The following EXOC2 variants were observed in gnomAD, a reference collection of about 807,000 sequenced individuals.
The protein encoded by EXOC2 is exocyst complex component 2, also known as SEC5-like 1.
Under a neutral mutation model 131.8 loss-of-function variants are expected in EXOC2, and 70 were observed. That is an observed-to-expected ratio of 0.53 (90% CI 0.44 to 0.65). The LOEUF (loss-of-function observed/expected upper bound fraction) is 0.65, where lower values mean the gene tolerates loss of function less well. Among genes scored for constraint, EXOC2 ranks in the 30% least tolerant of loss-of-function variants. The pLI is 0.00. For missense variants in EXOC2, 923 were observed against 1,108.6 expected (o/e 0.83, Z 2.38); for synonymous variants, 411 against 398.4 (o/e 1.03, Z -0.38).
chr6:546,597 C>T (rs183168882), intron 22 of EXOC2, among the ~76,000 whole-genome samples: 118 of 152,344 alleles, frequency 7.7e-4, no homozygotes, highest in Admixed American at 2.1e-3. Flanking sequence ...CCAACCCCTC[C>T]TCTTGCTCTT....
chr6:683,633 T>C (rs1229090347), intron 1 of EXOC2, among the ~76,000 whole-genome samples: 1 of 152,266 alleles, frequency 6.6e-6, no homozygotes, highest in Non-Finnish European at 1.5e-5. Context: ...AGGATGTCGC[T>C]AACTCCCAGG....
rs1488005744 is a variant in EXOC2, at chr6:666,544, T to G, written c.-44+26475A>C. On this transcript the variant is annotated intron_variant, in intron 1 of 27. Transcript: ENST00000230449. ...TTTGGCACTTTACAACTTTTTTTTC[T>G]GAGCAGTTTTATTAAGTTTACAGAA... is the stretch of plus-strand genomic sequence containing the variant. Among the ~76,000 whole-genome samples, 7 of 97,362 alleles carry G rather than the reference T, an allele frequency of 7.2e-5. 2 individuals are homozygous for G. The highest frequency in any genetic ancestry group is 2.1e-4 in the African/African-American group (7 of 32,830). The allele number at this position is 97,362 out of a possible 152,430, so 63.9% of individuals were successfully genotyped here. A position where few individuals can be genotyped will look rare whatever the true frequency, so the allele number is the denominator to read the frequency against.
At chr6:612,718 C>A (rs1760775624) in intron 6 of EXOC2, among the ~76,000 whole-genome samples, 2 of 152,134 alleles carry the variant, frequency 1.3e-5, no homozygotes, top group African/African-American at 4.8e-5. Context: ...TCAAGCCACA[C>A]AGAGTTAAGC....
intron 18 of EXOC2, 72 bp downstream of exon 18, chr6:556,412 G>A: frequency 6.7e-7 from 1 of 1,484,404 alleles, no homozygotes; most frequent in South Asian, 1.2e-5. Flanking sequence ...AGTACGATGA[G>A]TCAAAAATTT....
At position 579,374 on chromosome 6, in the gene EXOC2, A is replaced by G. The variant is rs554511047; in HGVS notation, c.1193-2492T>C. Among the ~76,000 whole-genome samples, 7 of 152,320 alleles carry G rather than the reference A, an allele frequency of 4.6e-5. 1 individual carries two copies. In the South Asian group the frequency reaches 1.4e-3, roughly 32 times the overall value. On this transcript the variant is annotated intron_variant, in intron 11 of 27. Coordinates refer to ENST00000230449, the MANE Select transcript of EXOC2 (RefSeq NM_018303.6). ...TTAGAAACCACATCATCAGTTTTCT[A>G]TATCAGGAAAACAAAGGTAACCGTG...
chr6:515,482 C>T (rs1765095879), intron 23 of EXOC2, among the ~76,000 whole-genome samples: 1 of 152,250 alleles, frequency 6.6e-6, no homozygotes, highest in Non-Finnish European at 1.5e-5. Context: ...TACCCAGGGA[C>T]TGATACCCTG....
intron 1 of EXOC2, among the ~76,000 whole-genome samples, chr6:675,123 C>T (rs1319533646): frequency 6.6e-6 from 1 of 152,126 alleles, no homozygotes; most frequent in Non-Finnish European, 1.5e-5. Flanking sequence ...GCTTGCCCAC[C>T]CTCTTGGAAC....
At chr6:577,702 T>C (rs1358230739) in intron 11 of EXOC2, among the ~76,000 whole-genome samples, 3 of 152,204 alleles carry the variant, frequency 2.0e-5, no homozygotes, top group Non-Finnish European at 4.4e-5. Flanking sequence ...GAATTCAAAG[T>C]GCATTTACAG....
chr6:646,168 G>C (rs890019892), intron 1 of EXOC2, among the ~76,000 whole-genome samples: 1 of 152,122 alleles, frequency 6.6e-6, no homozygotes, highest in Non-Finnish European at 1.5e-5. Flanking sequence ...CTTTGGATTA[G>C]ACAGTATGGT....
At chr6:491,208 A>G (rs1304157808) in intron 25 of EXOC2, 22 bp from the exon 26 acceptor site, 1 of 1,613,048 alleles carries the variant, frequency 6.2e-7, no homozygotes. Context: ...AAAAAGACAA[A>G]GTGACAACAG....
intron 27 of EXOC2, among the ~76,000 whole-genome samples, chr6:488,340 A>G (rs1355993529): frequency 6.6e-6 from 1 of 152,224 alleles, no homozygotes; most frequent in Non-Finnish European, 1.5e-5. Flanking sequence ...TGGTGAAGGA[A>G]TGAAGACTGC....
intron 1 of EXOC2, among the ~76,000 whole-genome samples, chr6:640,887 G>A (rs1380986542): frequency 6.7e-6 from 1 of 149,980 alleles, no homozygotes. Context: ...AGCAGGTACA[G>A]AAAAAAAAAA....
intron 1 of EXOC2, among the ~76,000 whole-genome samples, chr6:640,308 G>T (rs1308689502): frequency 6.6e-6 from 1 of 152,128 alleles, no homozygotes; most frequent in African/African-American, 2.4e-5. Flanking sequence ...CTTCCTTAGC[G>T]CAGAATGTCA....
At chr6:658,957 C>T (rs1763291169) in intron 1 of EXOC2, among the ~76,000 whole-genome samples, 1 of 152,074 alleles carries the variant, frequency 6.6e-6, no homozygotes, top group Admixed American at 6.5e-5. Flanking sequence ...CCACTGCGCC[C>T]AGCCAAGATA....
intron 6 of EXOC2, among the ~76,000 whole-genome samples, chr6:613,083 G>A (rs765845355): frequency 6.6e-6 from 1 of 152,136 alleles, no homozygotes; most frequent in African/African-American, 2.4e-5. Context: ...AGCAGTATCT[G>A]CTAACAACCC....
At chr6:545,206 T>C (rs897954746) in intron 22 of EXOC2, among the ~76,000 whole-genome samples, 2 of 150,042 alleles carry the variant, frequency 1.3e-5, no homozygotes, top group Non-Finnish European at 3.0e-5. Flanking sequence ...ATGCCAGCCA[T>C]GTTTAATGTC....
intron 24 of EXOC2, 22 bp downstream of exon 24, chr6:499,623 G>A (rs761441141): frequency 6.2e-7 from 1 of 1,602,354 alleles, no homozygotes; most frequent in Middle Eastern, 1.7e-4. Flanking sequence ...ATATCTCTTA[G>A]GAACATCTAA....
intron 23 of EXOC2, among the ~76,000 whole-genome samples, chr6:507,283 ACAG>A (rs1206131115): frequency 8.6e-6 from 1 of 116,188 alleles, no homozygotes. Flanking sequence ...ACACACACAC[ACAG>A]CAGTGACTAC....
chr6:688,225 C>T (rs932742079), intron 1 of EXOC2, among the ~76,000 whole-genome samples: 3 of 152,202 alleles, frequency 2.0e-5, no homozygotes, highest in Non-Finnish European at 2.9e-5. Context: ...CTGAAAAGTA[C>T]ATTCTGCAGA....
Sources: gnomAD v4.1 joint callset for allele counts (sites outside exome capture counted in the v4.1 genomes callset) on GRCh38, gnomAD v4.1.1 for gene constraint, MANE v1.5 for transcripts, NCBI Gene and HGNC (gene_info 2026-07-23, HGNC 2026-07-21) for gene names.